The following ABCG2 variants were observed in gnomAD, a reference collection of about 807,000 sequenced individuals.
The protein encoded by ABCG2 is broad substrate specificity ATP-binding cassette transporter ABCG2.
ABCG2 carries 80 observed loss-of-function variants against 73.5 expected under a neutral mutation model. The ratio of observed to expected loss-of-function variants is 1.09; its 90% CI spans 0.91 to 1.31. ABCG2 has a LOEUF of 1.31. Ranked by LOEUF, ABCG2 falls within the 50% of genes most tolerant of loss-of-function variation. ABCG2 has a pLI of 0.00. For synonymous variants in ABCG2, 269 were observed against 282.4 expected, an observed-to-expected ratio of 0.95 and a Z score of 0.48; for missense variants, 796 against 786.2, an observed-to-expected ratio of 1.01 and a Z score of -0.15.
intron 1 of ABCG2, among the ~76,000 whole-genome samples, chr4:88,155,529 T>C (rs1726877664): frequency 6.6e-6 from 1 of 152,060 alleles, no homozygotes; most frequent in Non-Finnish European, 1.5e-5. Context: ...ATGGCTTAGC[T>C]TGGGCTCAGA....
intron 3 of ABCG2, among the ~76,000 whole-genome samples, chr4:88,132,343 C>T (rs562590381): frequency 3.6e-4 from 55 of 152,224 alleles, no homozygotes; most frequent in African/African-American, 1.3e-3. Flanking sequence ...ATAACATGGT[C>T]AACTGCTACA....
At chr4:88,106,921 A>T (rs1315720135) in intron 10 of ABCG2, among the ~76,000 whole-genome samples, 1 of 152,144 alleles carries the variant, frequency 6.6e-6, no homozygotes, top group African/African-American at 2.4e-5. Context: ...GGATGTCTGT[A>T]GTCGAGGCTA....
At chr4:88,186,951 G>A (rs1020978159) in intron 1 of ABCG2, among the ~76,000 whole-genome samples, 1 of 148,698 alleles carries the variant, frequency 6.7e-6, no homozygotes, top group African/African-American at 2.5e-5. Context: ...AATTTAGCCG[G>A]GCATGGTGGC....
At chr4:88,093,938 C>T (rs4148160) in intron 15 of ABCG2, among the ~76,000 whole-genome samples, 42,407 of 152,008 alleles carry the variant, frequency 0.28, 7,612 homozygotes, top group Non-Finnish European at 0.38. Flanking sequence ...TTTTTCTCAA[C>T]TTATTCAAGT....
chr4:88,188,566 C>A (rs2110105611), intron 1 of ABCG2, among the ~76,000 whole-genome samples: 1 of 152,196 alleles, frequency 6.6e-6, no homozygotes, highest in Non-Finnish European at 1.5e-5. Context: ...CAAGTTTATT[C>A]TTTTTCAAGA....
chr4:88,217,247 G>A (rs907533235), intron 1 of ABCG2, among the ~76,000 whole-genome samples: 2 of 152,158 alleles, frequency 1.3e-5, no homozygotes, highest in Non-Finnish European at 2.9e-5. Flanking sequence ...TGATAGAACA[G>A]TGAATTGGCC....
chr4:88,226,160 C>T (rs137923331), intron 1 of ABCG2, among the ~76,000 whole-genome samples: 1 of 152,290 alleles, frequency 6.6e-6, no homozygotes, highest in Non-Finnish European at 1.5e-5. Flanking sequence ...GTTTCTGCCT[C>T]CAGCCTCACT....
upstream of ABCG2, chr4:88,164,024 T>TA (rs72554052): frequency 1.3e-5 from 2 of 153,112 alleles, no homozygotes; most frequent in Non-Finnish European, 2.9e-5. Context: ...ATATTTTTTT[T>TA]AAAAAGGAAA....
Position 88,130,964 on chromosome 4 carries a change from T to C in ABCG2, c.531+97A>G, listed in dbSNP as rs1724816524. The C allele has an allele frequency of 2.9e-6, 4 of 1,382,214 alleles. No homozygotes were observed. In the South Asian group the frequency reaches 4.1e-5, roughly 14 times the overall value. The allele number at this position is 1,382,214 out of a possible 1,614,324, so 85.6% of individuals were successfully genotyped here. On this transcript the variant is annotated intron_variant, in intron 5 of 15. Transcript: ENST00000237612. ...TATGGAAAGCAACCATTTTTGACCA[T>C]ACACATTACAGGAAACTTCTGAATC...
chr4:88,141,073 T>G (rs899556161), intron 1 of ABCG2, among the ~76,000 whole-genome samples: 1 of 152,190 alleles, frequency 6.6e-6, no homozygotes, highest in Non-Finnish European at 1.5e-5. Flanking sequence ...CTTCAATAAA[T>G]GTAGTTTTAA....
intron 1 of ABCG2, among the ~76,000 whole-genome samples, chr4:88,148,030 C>T (rs947357485): frequency 1.3e-5 from 2 of 152,160 alleles, no homozygotes; most frequent in African/African-American, 4.8e-5. Context: ...AGTTCCATCC[C>T]TGAGGGAGCA....
chr4:88,192,840 T>C (rs4693929), intron 1 of ABCG2, among the ~76,000 whole-genome samples: 127,387 of 151,682 alleles, frequency 0.84, 53,657 homozygotes, highest in East Asian at 1. Context: ...GCCTCCCAAG[T>C]AGCTGGGATT....
Position 88,131,890 on chromosome 4 carries a change from T to A in ABCG2, c.291A>T (p.Lys97Asn), listed in dbSNP as rs1368759015. 2 of 1,613,856 alleles carry A rather than the reference T, an allele frequency of 1.2e-6. No homozygotes were observed. The highest frequency in any genetic ancestry group is 1.7e-6 in the Non-Finnish European group (2 of 1,179,922). The stretch of plus-strand genomic sequence containing the variant: ...CATCTCCAGATAATCCACTTGGATC[T>A]TTCCTTGCAGCTAAGACATCTAATA... The part of the protein sequence containing the change: ...SSLLDVLAAR[K>N]DPSGLSGDVL... The change falls in exon 4 of 16, where the codon AAA becomes AAT. Residue 97 changes from lysine (K) to asparagine (N), a missense_variant. By Grantham distance (94) the Lys-to-Asn change is moderately conservative. Transcript: ENST00000237612.
intron 15 of ABCG2, 56 bp from the exon 16 acceptor site, chr4:88,092,437 C>T: frequency 6.4e-7 from 1 of 1,570,190 alleles, no homozygotes; most frequent in East Asian, 2.2e-5. Flanking sequence ...TCAAATGTTA[C>T]TCAGTATATC....
At chr4:88,227,771 AC>A (rs1366605656) in intron 1 of ABCG2, among the ~76,000 whole-genome samples, 16 of 152,240 alleles carry the variant, frequency 1.1e-4, no homozygotes, top group Admixed American at 2.6e-4. Flanking sequence ...TTTGACCAAA[AC>A]AAAGTAGAAA....
chr4:88,199,940 T>C (rs1412800390), intron 1 of ABCG2, among the ~76,000 whole-genome samples: 1 of 152,150 alleles, frequency 6.6e-6, no homozygotes, highest in Non-Finnish European at 1.5e-5. Context: ...AGGCAGAGCT[T>C]GCAGTGAGCA....
intron 13 of ABCG2, 142 bp downstream of exon 13, chr4:88,097,311 T>C (rs570932397): frequency 1.1e-5 from 10 of 884,418 alleles, no homozygotes; most frequent in Non-Finnish European, 1.7e-5. Flanking sequence ...TCTAACATAA[T>C]CTATTCCAGT....
At chr4:88,173,255 T>C (rs967881519) in intron 1 of ABCG2, among the ~76,000 whole-genome samples, 2 of 152,212 alleles carry the variant, frequency 1.3e-5, no homozygotes, top group Non-Finnish European at 2.9e-5. Flanking sequence ...CTTTGTTTCA[T>C]TGATACCTGC....
chr4:88,209,686 C>A (rs1316332946), intron 1 of ABCG2, among the ~76,000 whole-genome samples: 1 of 151,514 alleles, frequency 6.6e-6, no homozygotes, highest in Non-Finnish European at 1.5e-5. Flanking sequence ...AAAACAAAAA[C>A]AAAAAACAAA....
Sources: gnomAD v4.1 joint callset for allele counts (sites outside exome capture counted in the v4.1 genomes callset) on GRCh38, gnomAD v4.1.1 for gene constraint, MANE v1.5 for transcripts, NCBI Gene and HGNC (gene_info 2026-07-23, HGNC 2026-07-21) for gene names.